FOXO1: variants seen among roughly 807,000 people sequenced by gnomAD.
The protein encoded by FOXO1 is forkhead box protein O1.
Under a neutral mutation model 44.1 loss-of-function variants are expected in FOXO1, and 6 were observed. The observed-to-expected ratio is 0.14, with a 90% CI of 0.07 to 0.27. The LOEUF is 0.27. Ranked by LOEUF, FOXO1 falls within the 10% of genes least tolerant of loss-of-function variation. The pLI is 1.00. For missense variants in FOXO1, 737 were observed against 888.8 expected (o/e 0.83, Z 2.17); for synonymous variants, 380 against 362.7 (o/e 1.05, Z -0.54).
In FOXO1 at chr13:40,568,910, C is replaced by T. The variant is rs149712020; in HGVS notation, c.631-8050G>A. ...GAAACAAAGTTCAGAGAGATTACAA[C>T]GCAGATGGGAAACTTATGGGTGTTC... On this transcript the variant is annotated intron_variant, in intron 1 of 2. Coordinates refer to ENST00000379561, the MANE Select transcript of FOXO1 (RefSeq NM_002015.4). Among the ~76,000 whole-genome samples, 181 of 152,292 alleles carry T rather than the reference C, an allele frequency of 1.2e-3. 1 individual carries two copies. The highest frequency in any genetic ancestry group is 4.1e-3 in the African/African-American group (171 of 41,546).
At chr13:40,565,625 T>G (rs984121763) in intron 1 of FOXO1, among the ~76,000 whole-genome samples, 23 of 152,228 alleles carry the variant, frequency 1.5e-4, no homozygotes, top group Admixed American at 2.6e-4. Context: ...TCTTGTACAC[T>G]GTATCCTCAC....
intron 1 of FOXO1, among the ~76,000 whole-genome samples, chr13:40,645,314 T>G (rs1327703774): frequency 6.6e-6 from 1 of 152,214 alleles, no homozygotes; most frequent in African/African-American, 2.4e-5. Context: ...GTAGTAAAAC[T>G]ATGGTAAGAC....
At chr13:40,652,138 C>T (rs1202796821) in intron 1 of FOXO1, among the ~76,000 whole-genome samples, 3 of 152,146 alleles carry the variant, frequency 2.0e-5, no homozygotes, top group African/African-American at 4.8e-5. Context: ...CCCCACTCCC[C>T]GTTTAGGAGG....
chr13:40,659,841 C>T (rs959124099), intron 1 of FOXO1, among the ~76,000 whole-genome samples: 3 of 152,088 alleles, frequency 2.0e-5, no homozygotes, highest in Non-Finnish European at 4.4e-5. Flanking sequence ...TTTAAAAAGG[C>T]TGAACCATAT....
In FOXO1 at chr13:40,604,067, G is replaced by A. The variant is rs139342313; in HGVS notation, c.631-43207C>T. On this transcript the variant is annotated intron_variant, in intron 1 of 2. Coordinates refer to ENST00000379561, the MANE Select transcript of FOXO1 (RefSeq NM_002015.4). ...TGGTGTCGCCACAGAAATTTATCCC[G>A]AACAATTATGTGCCAAAATGGGGCA... Among the ~76,000 whole-genome samples, 484 of 152,006 alleles carry A rather than the reference G, an allele frequency of 3.2e-3. 4 individuals carry two copies. The highest frequency in any genetic ancestry group is 0.017 in the Middle Eastern group (5 of 294).
intron 1 of FOXO1, among the ~76,000 whole-genome samples, chr13:40,632,034 G>A (rs964552305): frequency 6.6e-6 from 1 of 152,204 alleles, no homozygotes; most frequent in Non-Finnish European, 1.5e-5. Context: ...CACTTTGGGA[G>A]GCCATGGCAG....
At chr13:40,648,146 G>C (rs1242127403) in intron 1 of FOXO1, among the ~76,000 whole-genome samples, 5 of 152,106 alleles carry the variant, frequency 3.3e-5, no homozygotes, top group Admixed American at 2.6e-4. Flanking sequence ...ACCTACAGTA[G>C]AGGAAAGCCA....
At chr13:40,620,103 A>G in intron 1 of FOXO1, 1 of 1,112,464 alleles carries the variant, frequency 9.0e-7, no homozygotes. Flanking sequence ...AGCAAGATAG[A>G]GAACACAGAG....
At chr13:40,561,780 C>A (rs1189170229) in intron 1 of FOXO1, among the ~76,000 whole-genome samples, 1 of 151,956 alleles carries the variant, frequency 6.6e-6, no homozygotes, top group Non-Finnish European at 1.5e-5. Flanking sequence ...ACCAGCCTAG[C>A]CAACATGGTG....
At chr13:40,619,489 C>T (rs1415694495) in intron 1 of FOXO1, 9 of 1,307,962 alleles carry the variant, frequency 6.9e-6, no homozygotes, top group Middle Eastern at 1.9e-4. Flanking sequence ...TGGAGAGTTT[C>T]GGTTTAGTTT....
chr13:40,664,761 G>A (rs900554274), intron 1 of FOXO1, among the ~76,000 whole-genome samples: 4 of 151,924 alleles, frequency 2.6e-5, no homozygotes, highest in Non-Finnish European at 4.4e-5. Context: ...GCCCCGACGC[G>A]CTGGCCCTTT....
At chr13:40,610,515 C>A (rs1181131204) in intron 1 of FOXO1, among the ~76,000 whole-genome samples, 1 of 152,184 alleles carries the variant, frequency 6.6e-6, no homozygotes. Flanking sequence ...CCAGTGTCAG[C>A]AGGTTCACTG....
intron 1 of FOXO1, among the ~76,000 whole-genome samples, chr13:40,651,125 A>T (rs1877675165): frequency 6.6e-6 from 1 of 151,032 alleles, no homozygotes. Flanking sequence ...TTTTTTAAGA[A>T]ACATGGTCCC....
intron 1 of FOXO1, among the ~76,000 whole-genome samples, chr13:40,641,302 G>T (rs1422898731): frequency 6.6e-6 from 1 of 151,814 alleles, no homozygotes; most frequent in African/African-American, 2.4e-5. Flanking sequence ...AGGGTTACTT[G>T]GTCAACTCCT....
chr13:40,592,810 C>T (rs751587039), intron 1 of FOXO1, among the ~76,000 whole-genome samples: 51 of 152,156 alleles, frequency 3.4e-4, no homozygotes, highest in Non-Finnish European at 6.6e-4. Context: ...GATGGCAGGC[C>T]CCTATTGTCT....
intron 1 of FOXO1, among the ~76,000 whole-genome samples, chr13:40,658,978 C>T (rs1222848903): frequency 1.3e-5 from 2 of 151,822 alleles, no homozygotes; most frequent in African/African-American, 4.8e-5. Context: ...CACCACTGCA[C>T]TCCAGCCTGG....
chr13:40,654,433 G>A (rs1172764800), intron 1 of FOXO1, among the ~76,000 whole-genome samples: 4 of 149,962 alleles, frequency 2.7e-5, no homozygotes, highest in African/African-American at 4.9e-5. Flanking sequence ...CTCTGGAGGC[G>A]GAGGTTGCAG....
chr13:40,635,984 C>A (rs537984614), intron 1 of FOXO1, among the ~76,000 whole-genome samples: 1 of 152,132 alleles, frequency 6.6e-6, no homozygotes, highest in Non-Finnish European at 1.5e-5. Flanking sequence ...CTGAGGCAGG[C>A]GGATCACCTG....
intron 1 of FOXO1, among the ~76,000 whole-genome samples, chr13:40,656,020 CA>C (rs892658265): frequency 6.6e-6 from 1 of 152,120 alleles, no homozygotes; most frequent in Non-Finnish European, 1.5e-5. Flanking sequence ...GCCACAATGC[CA>C]TTTTTACTGC....
Sources: allele counts gnomAD v4.1 joint callset (sites outside exome capture counted in the v4.1 genomes callset), GRCh38; gene constraint gnomAD v4.1.1; transcripts MANE v1.5; gene names NCBI Gene and HGNC (gene_info 2026-07-23, HGNC 2026-07-21).